DOP1A: variants seen among roughly 807,000 people sequenced by gnomAD.
DOP1A encodes protein DOP1A.
A neutral mutation model predicts 267.6 loss-of-function variants in DOP1A; 90 were observed. The ratio of observed to expected loss-of-function variants is 0.34; its 90% confidence interval spans 0.28 to 0.40. The LOEUF is 0.40. Among genes scored for constraint, DOP1A ranks in the 10% least tolerant of loss-of-function variants. DOP1A has a pLI of 1.00. For synonymous variants in DOP1A, 932 were observed against 999.1 expected (o/e 0.93, Z 1.27); for missense variants, 2,437 against 2,900.4 (o/e 0.84, Z 3.67).
At chr6:83,170,155 GA>G (rs1166485398), downstream of DOP1A, 1 of 662,358 alleles carries the variant, frequency 1.5e-6, no homozygotes, top group Non-Finnish European at 2.5e-6. Flanking sequence ...TACTGCTGGT[GA>G]AAATAATTTT....
chr6:83,162,647 A>G (rs1003880839), intron 37 of DOP1A, 143 bp from the exon 38 acceptor site: 1 of 840,570 alleles, frequency 1.2e-6, no homozygotes, highest in South Asian at 3.0e-5. Flanking sequence ...ACATACCCAA[A>G]GTGACAAGGC....
At chr6:83,160,184 C>T (rs1783904152) in intron 37 of DOP1A, among the ~76,000 whole-genome samples, 1 of 152,166 alleles carries the variant, frequency 6.6e-6, no homozygotes, top group South Asian at 2.1e-4. Context: ...AGATGTGAGA[C>T]AATGGGGTAC....
chr6:83,104,005 T>C (rs1026566646), intron 4 of DOP1A, among the ~76,000 whole-genome samples: 2 of 152,208 alleles, frequency 1.3e-5, no homozygotes, highest in African/African-American at 4.8e-5. Context: ...CTTTATGCTG[T>C]CTTTTGAAGA....
chr6:83,149,886 G>T (rs758729166), intron 27 of DOP1A, among the ~76,000 whole-genome samples: 1 of 152,184 alleles, frequency 6.6e-6, no homozygotes, highest in Non-Finnish European at 1.5e-5. Flanking sequence ...AACACCTACA[G>T]AGAGGTTAAG....
chr6:83,164,482 C>A (rs967725770), intron 38 of DOP1A, among the ~76,000 whole-genome samples: 1 of 152,048 alleles, frequency 6.6e-6, no homozygotes, highest in Non-Finnish European at 1.5e-5. Context: ...TAAGACCCCC[C>A]TCCTTTATCT....
At chr6:83,169,217 G>T (rs1401516813), downstream of DOP1A, 1 of 1,613,608 alleles carries the variant, frequency 6.2e-7, no homozygotes, top group Non-Finnish European at 8.5e-7. Flanking sequence ...AGTTTCTCAG[G>T]AATATGAAAA....
At chr6:83,120,100 A>C (rs1776129867) in intron 9 of DOP1A, among the ~76,000 whole-genome samples, 2 of 152,022 alleles carry the variant, frequency 1.3e-5, no homozygotes, top group Non-Finnish European at 2.9e-5. Flanking sequence ...TTATTAAAAC[A>C]TAGTTGTAGC....
At chr6:83,137,093 G>A (rs1394671513) in intron 20 of DOP1A, 80 bp from the exon 21 acceptor site, 6 of 1,256,184 alleles carry the variant, frequency 4.8e-6, no homozygotes, top group Non-Finnish European at 6.3e-6. Context: ...TAAAAATTTT[G>A]ATCAGTCTAC....
rs751449519 is a variant in DOP1A, at chr6:83,149,016, T to G, written c.5837+153T>G. Among the ~76,000 whole-genome samples, 9 of 151,480 alleles carry G rather than the reference T, an allele frequency of 5.9e-5. No homozygotes were observed. The East Asian group carries it at 1.7e-3, about 29-fold the overall frequency. Reference sequence around the variant, plus strand: ...CAAAACTAGATGTATAAGGCCTGTTTAAGAAAAAAAAAAGTGGGAGGCAGG... The same window carrying G: ...CAAAACTAGATGTATAAGGCCTGTTGAAGAAAAAAAAAAGTGGGAGGCAGG... On this transcript the variant is annotated intron_variant, in intron 27 of 38. Coordinates refer to ENST00000349129, the MANE Select transcript of DOP1A (RefSeq NM_015018.4).
intron 1 of DOP1A, among the ~76,000 whole-genome samples, chr6:83,084,730 G>A (rs1768764515): frequency 1.3e-5 from 2 of 151,492 alleles, no homozygotes; most frequent in African/African-American, 4.9e-5. Context: ...TTACAGGCAC[G>A]CACCACCACA....
rs116798329 is a variant in DOP1A, at chr6:83,151,454, A to G, written c.5838-139A>G. ...TATGTTTATGAATGTCAGTTGAGTC[A>G]TAGGATATGTATATATATTAAATAT... On this transcript the variant is annotated intron_variant, in intron 27 of 38. Transcript: ENST00000349129. The G allele has an allele frequency of 4.0e-3, 2,086 of 525,956 alleles. 44 individuals are homozygous for G. The highest frequency in any genetic ancestry group is 0.036 in the African/African-American group (1,819 of 50,856). 32.6% of individuals were successfully genotyped at this position (525,956 alleles called of 1,614,324 possible). A position where few individuals can be genotyped will look rare whatever the true frequency, so the allele number is the denominator to read the frequency against.
At chr6:83,081,883 A>G (rs1054174361) in intron 1 of DOP1A, among the ~76,000 whole-genome samples, 1 of 152,202 alleles carries the variant, frequency 6.6e-6, no homozygotes, top group South Asian at 2.1e-4. Flanking sequence ...CTGAGTAGAC[A>G]TTTCCTAAAG....
chr6:83,086,446 C>T (rs772504884), intron 1 of DOP1A, among the ~76,000 whole-genome samples: 29 of 152,050 alleles, frequency 1.9e-4, no homozygotes, highest in Non-Finnish European at 2.9e-5. Flanking sequence ...GTCTTGCTGT[C>T]TTGGGTAGGT....
chr6:83,105,184 G>A (rs1773363596), intron 4 of DOP1A, among the ~76,000 whole-genome samples: 1 of 151,934 alleles, frequency 6.6e-6, no homozygotes, highest in Non-Finnish European at 1.5e-5. Context: ...GTGATTAAGT[G>A]TTCTATTCTC....
chr6:83,130,152 C>T lies in DOP1A; in HGVS notation c.2371C>T (p.Leu791Phe), dbSNP rs1777798416. The change falls in exon 17 of 39, where the codon CTC becomes TTC. Residue 791 changes from leucine to phenylalanine, a missense_variant. By Grantham distance (22) the Leu-to-Phe change is conservative. Around this residue, in one of 9 missense-constraint regions of DOP1A, gnomAD observed 878 missense variants for 992.9 expected, o/e 0.88. Coordinates refer to ENST00000349129, the MANE Select transcript of DOP1A (RefSeq NM_015018.4). ...TGAGCATGTGCAGCCTCCACAGTGG[C>T]TCCAGACTCTGATGAATGCTTGCAG... Reference protein sequence around the residue: ...DCEHVQPPQWLQTLMNACSQA... With the variant: ...DCEHVQPPQWFQTLMNACSQA... 1 of 1,613,988 alleles carries T rather than the reference C, an allele frequency of 6.2e-7. No individual in the cohort carries two copies. Among genetic ancestry groups the T allele is most frequent in the African/African-American group, 1.3e-5 (1 of 75,042 alleles).
chr6:83,107,149 T>G (rs1013736764), intron 4 of DOP1A, among the ~76,000 whole-genome samples: 3 of 152,212 alleles, frequency 2.0e-5, no homozygotes, highest in Admixed American at 2.0e-4. Flanking sequence ...TTTTGGGGTT[T>G]GGTTGTTGCT....
intron 36 of DOP1A, among the ~76,000 whole-genome samples, chr6:83,159,407 G>A (rs1234549568): frequency 6.6e-6 from 1 of 151,448 alleles, no homozygotes; most frequent in Non-Finnish European, 1.5e-5. Context: ...CTGAGCAGCT[G>A]AGACCACAGG....
intron 38 of DOP1A, chr6:83,166,229 TA>T: frequency 2.0e-6 from 1 of 512,526 alleles, no homozygotes; most frequent in Non-Finnish European, 3.4e-6. Context: ...CGAACGACCA[TA>T]AAATGGTCAA....
chr6:83,109,795 T>C (rs934761704), intron 5 of DOP1A, among the ~76,000 whole-genome samples: 2 of 152,220 alleles, frequency 1.3e-5, no homozygotes, highest in African/African-American at 4.8e-5. Flanking sequence ...TTTTATTACT[T>C]AGCGTACTTT....
Sources: allele counts gnomAD v4.1 joint callset (sites outside exome capture counted in the v4.1 genomes callset), GRCh38; gene constraint gnomAD v4.1.1; regional missense constraint gnomAD v4.1.1; transcripts MANE v1.5; gene names NCBI Gene and HGNC (gene_info 2026-07-23, HGNC 2026-07-21).